The following STXBP5L variants were observed in gnomAD, a reference collection of about 807,000 sequenced individuals.
STXBP5L encodes the protein syntaxin-binding protein 5-like.
In STXBP5L, 65 loss-of-function variants were observed where a neutral mutation model predicts 144.5. The observed-to-expected ratio is 0.45, with a 90% CI of 0.37 to 0.55. The LOEUF (loss-of-function observed/expected upper bound fraction) is 0.55. Ranked by LOEUF, STXBP5L falls within the 20% of genes least tolerant of loss-of-function variation. The pLI, the probability that STXBP5L is intolerant of heterozygous loss-of-function variation, is 0.00. For missense variants in STXBP5L, 1,298 were observed against 1,405.5 expected, an observed-to-expected ratio of 0.92 and a Z score of 1.22; for synonymous variants, 505 against 469.6, an observed-to-expected ratio of 1.08 and a Z score of -0.97.
intron 3 of STXBP5L, among the ~76,000 whole-genome samples, chr3:120,977,869 G>T (rs1941263637): frequency 6.6e-6 from 1 of 152,112 alleles, no homozygotes; most frequent in African/African-American, 2.4e-5. Context: ...GTTGAATATT[G>T]GCCCCCACTC....
chr3:120,955,909 T>C (rs1937977666), intron 3 of STXBP5L, among the ~76,000 whole-genome samples: 1 of 152,042 alleles, frequency 6.6e-6, no homozygotes, highest in Admixed American at 6.6e-5. Flanking sequence ...TTTTGGCGAT[T>C]GGCCATTTTC....
chr3:121,297,198 T>TA (rs2051687560), intron 19 of STXBP5L, among the ~76,000 whole-genome samples: 1 of 82,404 alleles, frequency 1.2e-5, no homozygotes, highest in Admixed American at 1.5e-4. Flanking sequence ...TGATTCTACA[T>TA]TATATGTGTG....
In STXBP5L at chr3:121,007,753, T is replaced by A. The variant is rs529514513; in HGVS notation, c.288-33947T>A. On this transcript the variant is annotated intron_variant, in intron 3 of 26. Coordinates refer to ENST00000471454, the MANE Select transcript of STXBP5L (RefSeq NM_001308330.2). Reference sequence around the variant, plus strand: ...TGCTTGTAGTTGAAGCTTGCACTGCTTGTAGTTGAAGGTTACCCTGCCTGC... The same window carrying A: ...TGCTTGTAGTTGAAGCTTGCACTGCATGTAGTTGAAGGTTACCCTGCCTGC... Among the ~76,000 whole-genome samples, 46 of 152,132 alleles carry A rather than the reference T, an allele frequency of 3.0e-4. 1 individual carries two copies. The highest frequency in any genetic ancestry group is 3.4e-3 in the Middle Eastern group (1 of 294).
chr3:120,955,802 C>A (rs1224382898), intron 3 of STXBP5L, among the ~76,000 whole-genome samples: 1 of 151,926 alleles, frequency 6.6e-6, no homozygotes, highest in Non-Finnish European at 1.5e-5. Context: ...TCCCTCCAAC[C>A]CCATCCTTGA....
At chr3:121,144,058 A>C (rs1373256981) in intron 7 of STXBP5L, among the ~76,000 whole-genome samples, 1 of 151,696 alleles carries the variant, frequency 6.6e-6, no homozygotes, top group African/African-American at 2.4e-5. Flanking sequence ...CAATGTAGAG[A>C]ATAGGAGAAA....
At chr3:121,243,542 C>T (rs935638293) in intron 14 of STXBP5L, among the ~76,000 whole-genome samples, 2 of 131,904 alleles carry the variant, frequency 1.5e-5, no homozygotes, top group African/African-American at 5.7e-5. Context: ...ATCAAAGAGA[C>T]AAAAAAAAAA....
chr3:121,218,914 G>C (rs1390896946), intron 10 of STXBP5L, among the ~76,000 whole-genome samples: 2 of 152,060 alleles, frequency 1.3e-5, no homozygotes, highest in Non-Finnish European at 2.9e-5. Context: ...GATACAGCCT[G>C]TAATGTCGTC....
chr3:121,076,452 C>A (rs973435589), intron 5 of STXBP5L, among the ~76,000 whole-genome samples: 1 of 152,114 alleles, frequency 6.6e-6, no homozygotes, highest in African/African-American at 2.4e-5. Flanking sequence ...CAGTCTCTTT[C>A]TGTGGTTCCT....
At chr3:121,017,787 T>TGGG (rs139321003) in intron 3 of STXBP5L, among the ~76,000 whole-genome samples, 2 of 151,592 alleles carry the variant, frequency 1.3e-5, no homozygotes, top group African/African-American at 4.8e-5. Context: ...TCTAAATAAA[T>TGGG]GGGGGGGTGG....
At chr3:121,177,239 A>T (rs1248231805) in intron 9 of STXBP5L, among the ~76,000 whole-genome samples, 2 of 152,102 alleles carry the variant, frequency 1.3e-5, no homozygotes, top group African/African-American at 2.4e-5. Flanking sequence ...CCATAAGTTT[A>T]GATAGGCTTA....
At chr3:121,075,619 C>T (rs1020313370) in intron 5 of STXBP5L, among the ~76,000 whole-genome samples, 3 of 152,174 alleles carry the variant, frequency 2.0e-5, no homozygotes, top group African/African-American at 7.2e-5. Context: ...TGTCAAATGG[C>T]GTGTAAAGCC....
chr3:120,991,342 A>G (rs1942847810), intron 3 of STXBP5L, among the ~76,000 whole-genome samples: 2 of 151,638 alleles, frequency 1.3e-5, no homozygotes. Flanking sequence ...CAGGTGCTGG[A>G]GAGGATGTGG....
intron 20 of STXBP5L, among the ~76,000 whole-genome samples, chr3:121,355,073 C>T (rs956104235): frequency 3.9e-5 from 6 of 152,156 alleles, no homozygotes. Flanking sequence ...GTCTGATGGG[C>T]TTTCTTTTGT....
chr3:121,052,470 T>C (rs1285292653), intron 5 of STXBP5L, among the ~76,000 whole-genome samples: 2 of 152,112 alleles, frequency 1.3e-5, no homozygotes, highest in Non-Finnish European at 2.9e-5. Flanking sequence ...TAATCCAGCA[T>C]ATAAACAGAA....
At chr3:121,332,093 A>G (rs1197913940) in intron 20 of STXBP5L, among the ~76,000 whole-genome samples, 1 of 152,056 alleles carries the variant, frequency 6.6e-6, no homozygotes, top group African/African-American at 2.4e-5. Flanking sequence ...ATTTTTAAAA[A>G]TCACAGATGA....
chr3:121,192,966 A>T (rs963117559), intron 9 of STXBP5L, among the ~76,000 whole-genome samples: 7 of 150,884 alleles, frequency 4.6e-5, no homozygotes, highest in African/African-American at 1.7e-4. Context: ...GCCAAAATTG[A>T]CAAATGGGAT....
At chr3:121,378,929 G>T (rs2046259371) in intron 21 of STXBP5L, 43 bp downstream of exon 21, 2 of 1,571,606 alleles carry the variant, frequency 1.3e-6, no homozygotes, top group Non-Finnish European at 1.7e-6. Flanking sequence ...GTTAAAATTT[G>T]GTTTACAATG....
intron 23 of STXBP5L, among the ~76,000 whole-genome samples, chr3:121,411,823 C>T (rs2047120454): frequency 6.6e-6 from 1 of 151,994 alleles, no homozygotes; most frequent in East Asian, 1.9e-4. Flanking sequence ...TGAACTGGAC[C>T]CACAACACAT....
chr3:121,340,107 G>A (rs2044653836), intron 20 of STXBP5L, among the ~76,000 whole-genome samples: 2 of 151,964 alleles, frequency 1.3e-5, no homozygotes, highest in African/African-American at 4.8e-5. Flanking sequence ...GCAATTCTAA[G>A]CAAAATGAAT....
Sources: gnomAD v4.1 joint callset for allele counts (sites outside exome capture counted in the v4.1 genomes callset) on GRCh38, gnomAD v4.1.1 for gene constraint, MANE v1.5 for transcripts, NCBI Gene and HGNC (gene_info 2026-07-23, HGNC 2026-07-21) for gene names.